The following BANP variants were observed in gnomAD, a reference collection of about 807,000 sequenced individuals.
BANP encodes BTG3 associated nuclear protein.
Under a neutral mutation model 68.1 loss-of-function variants are expected in BANP, and 11 were observed. The ratio of observed to expected loss-of-function variants is 0.16; its 90% CI spans 0.10 to 0.27. The LOEUF is 0.27. Ranked by LOEUF, BANP falls within the 10% of genes least tolerant of loss-of-function variation. The pLI is 1.00. For missense variants in BANP, 504 were observed against 722.7 expected (o/e 0.70, Z 3.47); for synonymous variants, 329 against 303.2 (o/e 1.09, Z -0.88).
chr16:87,997,955 C>A (rs991258464), intron 4 of BANP, among the ~76,000 whole-genome samples: 1 of 152,232 alleles, frequency 6.6e-6, no homozygotes, highest in African/African-American at 2.4e-5. Flanking sequence ...TCAGAACTGA[C>A]CCCGCACAGT....
intron 4 of BANP, among the ~76,000 whole-genome samples, chr16:87,987,745 T>A (rs1365544394): frequency 1.2e-5 from 1 of 81,390 alleles, no homozygotes; most frequent in East Asian, 2.5e-4. Context: ...AAAAAGGATG[T>A]TATTATGTCT....
intron 2 of BANP, among the ~76,000 whole-genome samples, chr16:87,976,934 G>GT (rs750285537): frequency 2.6e-5 from 4 of 152,192 alleles, no homozygotes; most frequent in Non-Finnish European, 5.9e-5. Flanking sequence ...AAATGAAAGT[G>GT]TTCCAGTTAC....
At chr16:88,023,823 G>C (rs1373440816) in intron 7 of BANP, among the ~76,000 whole-genome samples, 12 of 152,314 alleles carry the variant, frequency 7.9e-5, no homozygotes, top group Non-Finnish European at 1.5e-4. Flanking sequence ...AGAACAGCTC[G>C]CCAGGAAAAT....
At chr16:88,070,295 T>C (rs2089980161) in intron 12 of BANP, among the ~76,000 whole-genome samples, 1 of 152,160 alleles carries the variant, frequency 6.6e-6, no homozygotes, top group Non-Finnish European at 1.5e-5. Flanking sequence ...AAGGGCCAGC[T>C]GCACAATGAA....
At chr16:87,983,642 G>A (rs1040090515) in intron 3 of BANP, among the ~76,000 whole-genome samples, 2 of 151,934 alleles carry the variant, frequency 1.3e-5, no homozygotes, top group African/African-American at 2.4e-5. Flanking sequence ...ATTAGGCAGC[G>A]GGCTGTGAGG....
At chr16:87,961,403 A>T (rs1022696372) in intron 1 of BANP, among the ~76,000 whole-genome samples, 14 of 121,010 alleles carry the variant, frequency 1.2e-4, no homozygotes, top group African/African-American at 3.5e-4. Context: ...GACTCACAGA[A>T]TCTGCACCCC....
chr16:88,059,734 C>T (rs970441391), intron 11 of BANP, among the ~76,000 whole-genome samples: 17 of 152,300 alleles, frequency 1.1e-4, no homozygotes, highest in Non-Finnish European at 2.4e-4. Context: ...TGTGCTACTC[C>T]TCGCGTCCTG....
chr16:87,955,574 G>A (rs535314494), intron 1 of BANP, among the ~76,000 whole-genome samples: 14 of 152,204 alleles, frequency 9.2e-5, no homozygotes, highest in African/African-American at 2.7e-4. Flanking sequence ...TTGCTGTTTC[G>A]GGATCCCCTC....
intron 4 of BANP, among the ~76,000 whole-genome samples, chr16:87,984,857 G>A (rs1233076828): frequency 6.6e-6 from 1 of 152,186 alleles, no homozygotes; most frequent in East Asian, 1.9e-4. Context: ...CTCTGGTGTC[G>A]CTAGCCTTCC....
At chr16:88,007,319 G>C (rs1040924012) in intron 6 of BANP, among the ~76,000 whole-genome samples, 6 of 152,190 alleles carry the variant, frequency 3.9e-5, no homozygotes, top group Non-Finnish European at 8.8e-5. Context: ...GCTTCCACGG[G>C]TTCCATGGCA....
At chr16:88,025,276 T>C (rs2076766330) in intron 7 of BANP, among the ~76,000 whole-genome samples, 1 of 150,096 alleles carries the variant, frequency 6.7e-6, no homozygotes, top group Non-Finnish European at 1.5e-5. Flanking sequence ...AGCTGGGCTC[T>C]CCTGTAAGGA....
rs1160262595 is a variant in BANP at position 88,018,056 on chromosome 16, G to T, written c.656-372G>T. Among the ~76,000 whole-genome samples the T allele has an allele frequency of 2.0e-5, 3 of 152,170 alleles. No homozygotes were observed. Among genetic ancestry groups the T allele is most frequent in the Non-Finnish European group, 4.4e-5 (3 of 68,028 alleles). Reference sequence around the variant, plus strand: ...GCAGTGAGGTGTGAGGGACCCCGGGGAGGGTTCCGCTCTGCAGGTGGCTGG... The same window carrying T: ...GCAGTGAGGTGTGAGGGACCCCGGGTAGGGTTCCGCTCTGCAGGTGGCTGG... On this transcript the variant is annotated intron_variant, in intron 6 of 13. Coordinates refer to ENST00000682872, the MANE Select transcript of BANP (RefSeq NM_001386991.1). The surrounding 1 kb of genome is among the most constrained non-coding windows in gnomAD (Gnocchi z 7.7).
rs530101644 is a variant in BANP, at chr16:88,058,610, A to G, written c.1312-6657A>G. ...CCAAGGTTTAATAAAACCCACCACC[A>G]TCGTTCTTTCCATTTTCTCTAAGGA... is the stretch of plus-strand genomic sequence containing the variant. On this transcript the variant is annotated intron_variant, in intron 11 of 13. Coordinates refer to ENST00000682872, the MANE Select transcript of BANP (RefSeq NM_001386991.1). Among the ~76,000 whole-genome samples, 5 of 152,294 alleles carry G rather than the reference A, an allele frequency of 3.3e-5. No homozygotes were observed. The South Asian group carries it at 8.3e-4, about 25-fold the overall frequency.
intron 11 of BANP, among the ~76,000 whole-genome samples, chr16:88,043,446 G>A (rs1437559035): frequency 6.6e-6 from 1 of 152,142 alleles, no homozygotes; most frequent in Non-Finnish European, 1.5e-5. Flanking sequence ...TGAGGCATCC[G>A]GGCAGCATTT....
At chr16:88,062,298 G>A (rs78250341) in intron 11 of BANP, among the ~76,000 whole-genome samples, 192 of 152,286 alleles carry the variant, frequency 1.3e-3, no homozygotes, top group African/African-American at 4.0e-3. Flanking sequence ...GGCTTCTTGC[G>A]TTGACCTTAG....
At chr16:88,015,656 C>T (rs1598445085) in intron 6 of BANP, among the ~76,000 whole-genome samples, 1 of 152,260 alleles carries the variant, frequency 6.6e-6, no homozygotes, top group South Asian at 2.1e-4. Context: ...TCTCCCTGTT[C>T]GCTTGCAGGC....
At position 88,004,256 on chromosome 16, in the gene BANP, T is replaced by C. The variant is rs757883152; in HGVS notation, c.363-39T>C. 6.4e-6 allele frequency: 8 copies of C among 1,244,476 alleles called. No individual in the cohort carries two copies. Among genetic ancestry groups the C allele is most frequent in the South Asian group, 2.6e-5 (2 of 77,736 alleles). The allele number at this position is 1,244,476 out of a possible 1,614,324, so 77.1% of individuals were successfully genotyped here. A position where few individuals can be genotyped will look rare whatever the true frequency, so the allele number is the denominator to read the frequency against. ...GCTCTTACCATGAATGTTGTTGTTT[T>C]AAGGCCTTCTTTTTCTTTGTGATTC... On this transcript the variant is annotated intron_variant, in intron 4 of 13. Coordinates refer to ENST00000682872, the MANE Select transcript of BANP (RefSeq NM_001386991.1). The surrounding 1 kb of genome is among the most constrained non-coding windows in gnomAD (Gnocchi z 7.0).
In BANP at chr16:88,027,473, G is replaced by T; in HGVS notation, c.896-10G>T. 6.2e-7 allele frequency: 1 copy of T among 1,613,186 alleles called. No homozygotes were observed. The highest frequency in any genetic ancestry group is 8.5e-7 in the Non-Finnish European group (1 of 1,179,810). On this transcript the variant is annotated splice_polypyrimidine_tract_variant and intron_variant, in intron 7 of 13. Transcript: ENST00000682872. ...GGCCTCACCGCTTCTCCTTGGATGT[G>T]TCCTTCCAGGTCACCTTTTCTATAA...
In BANP at chr16:87,993,758, G is replaced by A. The variant is rs571568943; in HGVS notation, c.362+9499G>A. Among the ~76,000 whole-genome samples the A allele has an allele frequency of 9.2e-5, 14 of 152,008 alleles. No homozygotes were observed. In the South Asian group the frequency reaches 1.0e-3, roughly 11 times the overall value. ...AATTACAGGCCGTGCCACCACACCC[G>A]GCTGCTAATTTTTTGTATTTATATT... On this transcript the variant is annotated intron_variant, in intron 4 of 13. Coordinates refer to ENST00000682872, the MANE Select transcript of BANP (RefSeq NM_001386991.1).
Sources: gnomAD v4.1 joint callset for allele counts (sites outside exome capture counted in the v4.1 genomes callset) on GRCh38, gnomAD v4.1.1 for gene constraint, Gnocchi (gnomAD v3.1) non-coding constraint, MANE v1.5 for transcripts, NCBI Gene and HGNC (gene_info 2026-07-23, HGNC 2026-07-21) for gene names.